Variants in IARS1 observed in about 807,000 individuals in gnomAD.
The protein encoded by IARS1 is isoleucyl-tRNA synthetase 1, also known as isoleucine--tRNA ligase, cytoplasmic.
Under a neutral mutation model 168.2 loss-of-function variants are expected in IARS1, and 124 were observed. The observed-to-expected ratio is 0.74, with a 90% CI of 0.64 to 0.86. The LOEUF (loss-of-function observed/expected upper bound fraction) is 0.86. Ranked by LOEUF, IARS1 falls within the 40% of genes least tolerant of loss-of-function variation. IARS1 has a pLI of 0.00. For synonymous variants in IARS1, 532 were observed against 529.4 expected, an observed-to-expected ratio of 1.00 and a Z score of -0.07; for missense variants, 1,452 against 1,515.8, an observed-to-expected ratio of 0.96 and a Z score of 0.70.
chr9:92,243,751 C>T (rs956911612), intron 27 of IARS1, among the ~76,000 whole-genome samples: 1 of 152,198 alleles, frequency 6.6e-6, no homozygotes, highest in Non-Finnish European at 1.5e-5. Flanking sequence ...CTTTCCTATA[C>T]CATGACCCCT....
intron 4 of IARS1, among the ~76,000 whole-genome samples, 193 bp from the exon 5 acceptor site, chr9:92,286,811 T>A (rs577248217): frequency 6.6e-6 from 1 of 152,196 alleles, no homozygotes; most frequent in African/African-American, 2.4e-5. Context: ...TCATCCTACA[T>A]GCACAAAATG....
chr9:92,244,297 CA>C (rs908655985), intron 27 of IARS1, among the ~76,000 whole-genome samples: 23 of 152,148 alleles, frequency 1.5e-4, no homozygotes, highest in African/African-American at 5.3e-4. Context: ...GTTCTGTACA[CA>C]TCTAACTTAA....
intron 31 of IARS1, among the ~76,000 whole-genome samples, chr9:92,228,057 A>T (rs914373567): frequency 2.6e-5 from 4 of 152,042 alleles, no homozygotes; most frequent in African/African-American, 9.7e-5. Flanking sequence ...TTGAGCACTG[A>T]GTGAACGAGA....
At chr9:92,271,202 A>T in intron 11 of IARS1, 126 bp from the exon 12 acceptor site, 2 of 615,322 alleles carry the variant, frequency 3.3e-6, no homozygotes, top group East Asian at 2.8e-5. Flanking sequence ...TATTATTTTT[A>T]GTCACTAACT....
chr9:92,255,307 G>A (rs770957320), intron 20 of IARS1, among the ~76,000 whole-genome samples: 2 of 152,192 alleles, frequency 1.3e-5, no homozygotes, highest in African/African-American at 2.4e-5. Flanking sequence ...TGTGGCGGCC[G>A]CTGCTCCTGC....
intron 30 of IARS1, among the ~76,000 whole-genome samples, chr9:92,236,117 G>A (rs1483045705): frequency 6.6e-6 from 1 of 152,030 alleles, no homozygotes; most frequent in South Asian, 2.1e-4. Flanking sequence ...CGAGTAGGCT[G>A]AGATTACAGG....
chr9:92,252,764 C>CAAAAAAAAAAAAAA (rs34983021), intron 21 of IARS1, among the ~76,000 whole-genome samples: 1 of 27,236 alleles, frequency 3.7e-5, no homozygotes, highest in Non-Finnish European at 6.2e-5. Flanking sequence ...AACTCCTTCT[C>CAAAAAAAAAAAAAA]AAAAAAAAAA....
intron 33 of IARS1, among the ~76,000 whole-genome samples, chr9:92,215,483 G>A (rs865903763): frequency 6.6e-6 from 1 of 152,100 alleles, no homozygotes; most frequent in Admixed American, 6.5e-5. Flanking sequence ...TGAGCTATGG[G>A]AGGACATACA....
chr9:92,288,423 A>G, intron 2 of IARS1, 141 bp from the exon 3 acceptor site: 1 of 722,650 alleles, frequency 1.4e-6, no homozygotes, highest in Non-Finnish European at 2.4e-6. Context: ...AATTGATTTG[A>G]TATTTACTGG....
At chr9:92,281,037 G>T (rs906197361) in intron 6 of IARS1, 144 bp from the exon 7 acceptor site, 3 of 467,346 alleles carry the variant, frequency 6.4e-6, no homozygotes, top group African/African-American at 6.1e-5. Flanking sequence ...ACAGAAAATA[G>T]CAAGAAATTC....
chr9:92,252,384 A>G (rs1364504321), intron 21 of IARS1: 2 of 516,660 alleles, frequency 3.9e-6, no homozygotes, highest in African/African-American at 3.9e-5. Context: ...GCATCTTAGC[A>G]TATGTCCTTC....
chr9:92,267,230 C>T (rs565626884), intron 14 of IARS1, among the ~76,000 whole-genome samples: 4 of 152,272 alleles, frequency 2.6e-5, no homozygotes, highest in Admixed American at 2.0e-4. Flanking sequence ...AACTGCTGTG[C>T]GTTCTCACCC....
At chr9:92,213,349 T>A (rs1458331653) in intron 33 of IARS1, among the ~76,000 whole-genome samples, 1 of 152,132 alleles carries the variant, frequency 6.6e-6, no homozygotes, top group Non-Finnish European at 1.5e-5. Flanking sequence ...TTAATTTGAG[T>A]AAGTTCCTTC....
chr9:92,267,227 GT>G (rs138329236), intron 14 of IARS1, among the ~76,000 whole-genome samples: 202 of 152,314 alleles, frequency 1.3e-3, no homozygotes, highest in African/African-American at 4.5e-3. Context: ...AGGAACTGCT[GT>G]GCGTTCTCAC....
At chr9:92,214,627 G>T (rs1032862663) in intron 33 of IARS1, among the ~76,000 whole-genome samples, 1 of 152,210 alleles carries the variant, frequency 6.6e-6, no homozygotes, top group African/African-American at 2.4e-5. Context: ...AGGGGTCAGG[G>T]AGTTCCCTTT....
chr9:92,253,973 T>C, intron 20 of IARS1: 1 of 436,202 alleles, frequency 2.3e-6, no homozygotes, highest in South Asian at 1.7e-5. Context: ...ACATTTTGCT[T>C]GTCACAACTT....
intron 14 of IARS1, among the ~76,000 whole-genome samples, chr9:92,265,893 G>A (rs1224310661): frequency 6.6e-6 from 1 of 152,096 alleles, no homozygotes; most frequent in South Asian, 2.1e-4. Flanking sequence ...TCTTGGACTC[G>A]AGCTATCAGC....
At chr9:92,226,581 G>C (rs74400657) in intron 31 of IARS1, among the ~76,000 whole-genome samples, 1 of 152,202 alleles carries the variant, frequency 6.6e-6, no homozygotes, top group Non-Finnish European at 1.5e-5. Flanking sequence ...TAAAAGAAAT[G>C]TACTGTCTCA....
At position 92,285,842 on chromosome 9, in the gene IARS1, G is replaced by C. The variant is rs1300667889; in HGVS notation, c.480-3C>G. On this transcript the variant is annotated splice_polypyrimidine_tract_variant and splice_region_variant and intron_variant, in intron 5 of 33. Coordinates refer to ENST00000443024, the MANE Select transcript of IARS1 (RefSeq NM_002161.6). The stretch of plus-strand genomic sequence containing the variant: ...CATAGAGTTGTTTGAAGACCCACCT[G>C]GTAAGAGATGGAGTTTCACAATTAC... 1 of 1,489,254 alleles carries C rather than the reference G, an allele frequency of 6.7e-7. No individual in the cohort carries two copies. Among genetic ancestry groups the C allele is most frequent in the Non-Finnish European group, 9.4e-7 (1 of 1,069,280 alleles). The allele number at this position is 1,489,254 out of a possible 1,614,324, so 92.3% of individuals were successfully genotyped here.
Sources: gnomAD v4.1 joint callset for allele counts (sites outside exome capture counted in the v4.1 genomes callset) on GRCh38, gnomAD v4.1.1 for gene constraint, MANE v1.5 for transcripts, NCBI Gene and HGNC (gene_info 2026-07-23, HGNC 2026-07-21) for gene names.